The following NLRP13 variants were observed in gnomAD, a reference collection of about 807,000 sequenced individuals.
The protein encoded by NLRP13 is NLR family pyrin domain containing 13.
A neutral mutation model predicts 94.4 loss-of-function variants in NLRP13; 82 were observed. The observed-to-expected ratio is 0.87, with a 90% CI of 0.73 to 1.04. NLRP13 has a LOEUF of 1.04. Ranked by LOEUF, NLRP13 falls within the 50% of genes least tolerant of loss-of-function variation. NLRP13 has a pLI of 0.00. For synonymous variants in NLRP13, 553 were observed against 464.7 expected (o/e 1.19, Z -2.45); for missense variants, 1,426 against 1,230.8 (o/e 1.16, Z -2.37).
At chr19:55,914,369 T>C (rs75163217) in intron 4 of NLRP13, among the ~76,000 whole-genome samples, 3,962 of 152,266 alleles carry the variant, frequency 0.026, 165 homozygotes, top group African/African-American at 0.086. Context: ...AGGAATGAGA[T>C]GCCGTAATTT....
chr19:55,895,198 T>TA (rs112514218), downstream of NLRP13, among the ~76,000 whole-genome samples: 46,786 of 140,312 alleles, frequency 0.33, 8,653 homozygotes, highest in South Asian at 0.47. Flanking sequence ...AAAAGTATGT[T>TA]AAAAAAAAAA....
downstream of NLRP13, chr19:55,892,106 C>T: frequency 8.1e-7 from 1 of 1,231,976 alleles, no homozygotes; most frequent in Non-Finnish European, 1.0e-6. Context: ...CTACATTGTG[C>T]AGGTCTTTTT....
chr19:55,921,741 G>A (rs2123139002), intron 4 of NLRP13, among the ~76,000 whole-genome samples: 1 of 152,254 alleles, frequency 6.6e-6, no homozygotes, highest in East Asian at 1.9e-4. Flanking sequence ...AGAGGGAGAT[G>A]AGGCACAGAC....
chr19:55,896,599 A>G (rs1167558127), intron 10 of NLRP13, among the ~76,000 whole-genome samples: 1 of 151,444 alleles, frequency 6.6e-6, no homozygotes, highest in Non-Finnish European at 1.5e-5. Context: ...TGGGTGGATC[A>G]CAAGGTCAGG....
chr19:55,904,937 C>G lies in NLRP13; in HGVS notation c.2618+5G>C. On this transcript the variant is annotated splice_donor_5th_base_variant and intron_variant, in intron 8 of 10. Coordinates refer to ENST00000342929, the MANE Select transcript of NLRP13 (RefSeq NM_176810.2). ...TATCTAGAAATGGAAGTAGGGAAAA[C>G]TTACTCCAGTCTCTCTAAGGCACAC... 1 of 1,609,412 alleles carries G rather than the reference C, an allele frequency of 6.2e-7. No homozygotes were observed. The highest frequency in any genetic ancestry group is 8.5e-7 in the Non-Finnish European group (1 of 1,176,438).
At chr19:55,901,954 C>T (rs1311521617) in intron 9 of NLRP13, 81 bp downstream of exon 9, 9 of 1,444,158 alleles carry the variant, frequency 6.2e-6, no homozygotes, top group African/African-American at 1.4e-5. Flanking sequence ...ATTCAAACCC[C>T]ATCAGGAACT....
rs144214355 is a variant in NLRP13, at chr19:55,908,145, A to C, written c.2283-189T>G. Among the ~76,000 whole-genome samples, 1,384 of 152,172 alleles carry C rather than the reference A, an allele frequency of 9.1e-3. 26 individuals are homozygous for C. The highest frequency in any genetic ancestry group is 0.031 in the African/African-American group (1,298 of 41,496). On this transcript the variant is annotated intron_variant, in intron 6 of 10. Transcript: ENST00000342929. ...ATAAAAACTAAAATATACTCCCCCCAAAAAAATCAGTAAACTCAGTTGCAG... is the reference window on the plus strand; with the variant it reads ...ATAAAAACTAAAATATACTCCCCCCCAAAAAATCAGTAAACTCAGTTGCAG...
chr19:55,921,613 A>G (rs558068133), intron 4 of NLRP13, among the ~76,000 whole-genome samples: 1 of 152,336 alleles, frequency 6.6e-6, no homozygotes, highest in East Asian at 1.9e-4. Flanking sequence ...AAGAATAATA[A>G]ATATTACCTG....
chr19:55,912,859 C>T lies in NLRP13; in HGVS notation c.958G>A (p.Glu320Lys), dbSNP rs1484300030. ...IDGFEEIIIS[E>K]SRSESLDDGS... ...TCATCCAAGCTCTCAGAGCGTGACT[C>T]AGATATGATTATTTCCTCAAAGCCA... Residue 320 changes from glutamate to lysine, a missense_variant, in exon 5 of 11, where the codon GAG becomes AAG. Physicochemically the swap from Glu to Lys is moderately conservative, Grantham distance 56. Coordinates refer to ENST00000342929, the MANE Select transcript of NLRP13 (RefSeq NM_176810.2). 6.2e-7 allele frequency: 1 copy of T among 1,614,182 alleles called. No homozygotes were observed. The highest frequency in any genetic ancestry group is 1.1e-5 in the South Asian group (1 of 91,080).
chr19:55,907,311 G>A (rs973047933), intron 7 of NLRP13, among the ~76,000 whole-genome samples: 9 of 152,014 alleles, frequency 5.9e-5, no homozygotes, highest in Non-Finnish European at 1.3e-4. Context: ...ATTGACTCAC[G>A]CCTGTAATCC....
In NLRP13 at chr19:55,903,872, G is replaced by A. The variant is rs1037327623; in HGVS notation, c.2618+1070C>T. The stretch of plus-strand genomic sequence containing the variant: ...CTTGCTCATACTGGTATTTTTGTCC[G>A]GACTGTAGTCCACCTGTCCACAGCA... On this transcript the variant is annotated intron_variant, in intron 8 of 10. Transcript: ENST00000342929. Among the ~76,000 whole-genome samples, 4 of 152,140 alleles carry A rather than the reference G, an allele frequency of 2.6e-5. No homozygotes were observed. In the South Asian group the frequency reaches 6.2e-4, roughly 24 times the overall value.
At chr19:55,909,485 G>A (rs572774722) in intron 6 of NLRP13, among the ~76,000 whole-genome samples, 2 of 150,810 alleles carry the variant, frequency 1.3e-5, no homozygotes, top group Non-Finnish European at 2.9e-5. Context: ...CAAGAGGAAA[G>A]ACATACACAT....
Position 55,896,062 on chromosome 19 carries a change from G to T in NLRP13, c.3015C>A (p.Ser1005Arg). Residue 1005 changes from serine to arginine, a missense_variant, in exon 11 of 11, where the codon AGC (serine) becomes AGA (arginine). Physicochemically the swap from Ser to Arg is moderately radical, Grantham distance 110. Transcript: ENST00000342929. ...ACCQHLFSVL[S>R]SSKSLVNLNL... Reference sequence around the variant, plus strand: ...TCAGATTGACCAGGCTCTTACTGCTGCTGAGAACAGAGAAGAGATGCTGGC... The same window carrying T: ...TCAGATTGACCAGGCTCTTACTGCTTCTGAGAACAGAGAAGAGATGCTGGC... The T allele has an allele frequency of 6.2e-7, 1 of 1,614,146 alleles. No homozygotes were observed.
At chr19:55,896,153 G>T (rs1449056735) in intron 10 of NLRP13, 34 bp from the exon 11 acceptor site, 1 of 1,605,466 alleles carries the variant, frequency 6.2e-7, no homozygotes, top group East Asian at 2.2e-5. Context: ...ACAACAGATA[G>T]TCCTCTGAGA....
At chr19:55,924,486 G>T in intron 3 of NLRP13, 104 bp downstream of exon 3, 1 of 785,866 alleles carries the variant, frequency 1.3e-6, no homozygotes, top group Non-Finnish European at 2.2e-6. Flanking sequence ...AATTTTTTAT[G>T]TACCATAAAT....
At chr19:55,902,322 A>G in intron 8 of NLRP13, 117 bp from the exon 9 acceptor site, 1 of 829,770 alleles carries the variant, frequency 1.2e-6, no homozygotes, top group Non-Finnish European at 1.9e-6. Context: ...CCTGGACGAC[A>G]AGGTCTTTCT....
intron 1 of NLRP13, among the ~76,000 whole-genome samples, chr19:55,930,898 A>ATATATATATACATATATATAT: frequency 9.5e-6 from 1 of 104,906 alleles, no homozygotes; most frequent in African/African-American, 3.9e-5. Context: ...ATATATATAT[A>ATATATATATACATATATATAT]AAATTTTAAC....
chr19:55,921,248 C>G (rs1260430559), intron 4 of NLRP13, among the ~76,000 whole-genome samples: 3 of 152,084 alleles, frequency 2.0e-5, no homozygotes, highest in African/African-American at 7.2e-5. Context: ...AAATGGAATG[C>G]AAACCACATA....
intron 6 of NLRP13, among the ~76,000 whole-genome samples, chr19:55,910,297 C>T (rs749943041): frequency 6.6e-6 from 1 of 152,202 alleles, no homozygotes; most frequent in Non-Finnish European, 1.5e-5. Flanking sequence ...TCCTTCAAAT[C>T]CAGCTCAAAA....
Sources: gnomAD v4.1 joint callset for allele counts (sites outside exome capture counted in the v4.1 genomes callset) on GRCh38, gnomAD v4.1.1 for gene constraint, MANE v1.5 for transcripts, NCBI Gene and HGNC (gene_info 2026-07-23, HGNC 2026-07-21) for gene names.